The following RLIM variants were observed in gnomAD, a reference collection of about 807,000 sequenced individuals.
The protein encoded by RLIM is E3 ubiquitin-protein ligase RLIM.
Under a neutral mutation model 34.0 loss-of-function variants are expected in RLIM, and 2 were observed. The observed-to-expected ratio is 0.06, with a 90% confidence interval of 0.02 to 0.19. The LOEUF (loss-of-function observed/expected upper bound fraction) is 0.19. Ranked by LOEUF, RLIM falls within the 10% of genes least tolerant of loss-of-function variation. RLIM has a pLI of 1.00. For synonymous variants in RLIM, 169 were observed against 164.0 expected, an observed-to-expected ratio of 1.03 and a Z score of -0.23; for missense variants, 286 against 479.7, an observed-to-expected ratio of 0.60 and a Z score of 3.77.
intron 1 of RLIM, among the ~76,000 whole-genome samples, chrX:74,604,208 C>T (rs1445638423): frequency 9.0e-6 from 1 of 111,134 alleles, no homozygotes; most frequent in African/African-American, 3.3e-5. Context: ...TTTACACTTA[C>T]AGCCTATCAC....
chrX:74,600,832 T>G (rs1602166204), intron 1 of RLIM, among the ~76,000 whole-genome samples: 2 of 89,591 alleles, frequency 2.2e-5, no homozygotes, highest in African/African-American at 4.5e-5. Flanking sequence ...GTCAACATGG[T>G]GAAACCCCAT....
rs1439044582 is a variant in RLIM at position 74,596,036 on chromosome X, G to C, written c.-23-36C>G. ...AAAAGAGACTAATCTTGAAAATAAA[G>C]GTCACTATGTATTCTATACAAGTTT... On this transcript the variant is annotated intron_variant, in intron 1 of 3. Coordinates refer to ENST00000332687, the MANE Select transcript of RLIM (RefSeq NM_016120.4). The C allele has an allele frequency of 7.8e-6, 7 of 895,160 alleles. No individual in the cohort carries two copies. In the African/African-American group the frequency reaches 1.4e-4, roughly 18 times the overall value. The allele number at this position is 895,160 out of a possible 1,213,427, so 73.8% of individuals were successfully genotyped here. A position where few individuals can be genotyped will look rare whatever the true frequency, so the allele number is the denominator to read the frequency against.
rs868417955 is a variant in RLIM, at chrX:74,588,892, C to T, written c.*2548G>A. ...AACACTAGTAAGCATGTAATAATCA[C>T]GGACATCGCAAGATTAAAAATTAAG... On this transcript the variant is annotated 3_prime_UTR_variant, in exon 4 of 4. Transcript: ENST00000332687. 17 of 112,058 alleles carry T rather than the reference C, an allele frequency of 1.5e-4. No individual in the cohort carries two copies. Among genetic ancestry groups the T allele is most frequent in the Non-Finnish European group, 2.3e-4 (12 of 53,249 alleles). 9.2% of individuals were successfully genotyped at this position (112,058 alleles called of 1,213,427 possible).
intron 1 of RLIM, among the ~76,000 whole-genome samples, chrX:74,609,979 C>G (rs2079701636): frequency 8.9e-6 from 1 of 112,252 alleles, no homozygotes; most frequent in Non-Finnish European, 1.9e-5. Context: ...ATTAGACTCT[C>G]AAATGTTATA....
intron 1 of RLIM, among the ~76,000 whole-genome samples, chrX:74,605,184 C>T (rs146185482): frequency 0.014 from 1,511 of 111,897 alleles, 27 homozygotes; most frequent in African/African-American, 0.047. Flanking sequence ...TCTCAAATGC[C>T]TTGTAAACTA....
At chrX:74,594,620 A>T (rs2079631441) in intron 2 of RLIM, among the ~76,000 whole-genome samples, 1 of 111,846 alleles carries the variant, frequency 8.9e-6, no homozygotes, top group Non-Finnish European at 1.9e-5. Flanking sequence ...TGCATATAAC[A>T]TCTAACTTTG....
intron 1 of RLIM, chrX:74,612,443 T>C: frequency 9.0e-6 from 1 of 111,167 alleles, no homozygotes; most frequent in Non-Finnish European, 1.9e-5. Context: ...CCCATTCTTA[T>C]CATGAAGAAT....
chrX:74,598,757 C>T (rs1204905700), intron 1 of RLIM, among the ~76,000 whole-genome samples: 7 of 94,384 alleles, frequency 7.4e-5, no homozygotes, highest in Non-Finnish European at 1.4e-4. Context: ...CCTGCCTGTG[C>T]GACACAGTGA....
chrX:74,592,019 G>C lies in RLIM; in HGVS notation c.1296C>G (p.Val432=), dbSNP rs138864921. The C allele has an allele frequency of 1.2e-5, 15 of 1,209,478 alleles. No homozygotes were observed. Among genetic ancestry groups the C allele is most frequent in the Non-Finnish European group, 1.7e-5 (15 of 895,012 alleles). The part of the protein sequence containing the change: ...SDSDSEPTGS[V]SNRNMERAES... ...CTGCCCTTTCCATATTTCGATTTGA[G>C]ACTGAGCCAGTAGGCTCTGAGTCGC... The change falls in exon 4 of 4, where the codon GTC becomes GTG. Residue 432 remains valine (V), a synonymous_variant. Transcript: ENST00000332687.
rs532267409 is a variant in RLIM at position 74,612,471 on chromosome X, A to G, written c.-24+1951T>C. On this transcript the variant is annotated intron_variant, in intron 1 of 3. Coordinates refer to ENST00000332687, the MANE Select transcript of RLIM (RefSeq NM_016120.4). ...TGAAGAATACCCAACACCATCTAAC[A>G]TCTATCAATGAGCCCATCCAATTAC... The G allele has an allele frequency of 3.6e-5, 4 of 111,685 alleles. No homozygotes were observed. The South Asian group carries it at 1.1e-3, about 31-fold the overall frequency. The allele number at this position is 111,685 out of a possible 1,213,427, so 9.2% of individuals were successfully genotyped here.
rs776855421 is a variant in RLIM, at chrX:74,591,914, GGAACTC to G, written c.1395_1400del (p.Ser475_Ser476del). On this transcript the variant is annotated inframe_deletion, in exon 4 of 4. Transcript: ENST00000332687. Reference sequence around the variant, plus strand: ...TGGAACTGGAACTTGAACTGGAACTGGAACTCGAACTGGAACTGGAACTCGAACTGG... The same window carrying G: ...TGGAACTGGAACTTGAACTGGAACTGGAACTGGAACTGGAACTCGAACTGG... The G allele has an allele frequency of 5.1e-6, 6 of 1,182,815 alleles. No individual in the cohort carries two copies. In the African/African-American group the frequency reaches 5.7e-5, roughly 11 times the overall value.
chrX:74,613,187 T>C (rs773657198), intron 1 of RLIM, among the ~76,000 whole-genome samples: 6 of 111,028 alleles, frequency 5.4e-5, no homozygotes, highest in South Asian at 3.8e-4. Flanking sequence ...GGGTGATAAG[T>C]AGTTACTCTG....
In RLIM at chrX:74,609,114, G is replaced by T. The variant is rs144681792; in HGVS notation, c.-24+5308C>A. Among the ~76,000 whole-genome samples the T allele has an allele frequency of 5.2e-3, 586 of 111,626 alleles. 19 individuals are homozygous for T. In the East Asian group the frequency reaches 0.13, roughly 24 times the overall value. The stretch of plus-strand genomic sequence containing the variant: ...TAACTGACAATGTTGGTGTTCATCA[G>T]TAACTAAGGCACTATTTTAAGGACC... On this transcript the variant is annotated intron_variant, in intron 1 of 3. Transcript: ENST00000332687.
chrX:74,603,252 T>A (rs199986833), intron 1 of RLIM, among the ~76,000 whole-genome samples: 2 of 110,600 alleles, frequency 1.8e-5, no homozygotes, highest in African/African-American at 3.3e-5. Context: ...CCACTTAGGT[T>A]ACCTCTACCC....
intron 2 of RLIM, among the ~76,000 whole-genome samples, 186 bp downstream of exon 2, chrX:74,595,623 T>C (rs1372604732): frequency 1.8e-5 from 2 of 112,250 alleles, no homozygotes; most frequent in Non-Finnish European, 3.8e-5. Flanking sequence ...CTCTCTGATA[T>C]AGTGTAATTC....
chrX:74,603,720 G>A (rs1267324570), intron 1 of RLIM, among the ~76,000 whole-genome samples: 1 of 111,573 alleles, frequency 9.0e-6, no homozygotes, highest in Non-Finnish European at 1.9e-5. Context: ...AACCATATAT[G>A]TAATTTTTCA....
At chrX:74,609,486 T>TAA (rs1569313792) in intron 1 of RLIM, among the ~76,000 whole-genome samples, 493 of 16,468 alleles carry the variant, frequency 0.03, 10 homozygotes, top group African/African-American at 0.14. Flanking sequence ...AGACTCCGTT[T>TAA]CAAAAAAAAA....
intron 1 of RLIM, among the ~76,000 whole-genome samples, chrX:74,597,453 T>C (rs1056879732): frequency 3.6e-5 from 4 of 111,811 alleles, no homozygotes; most frequent in East Asian, 2.8e-4. Flanking sequence ...TTCAAGGAGT[T>C]TGAACTGCAG....
At chrX:74,600,489 C>T (rs1259070950) in intron 1 of RLIM, among the ~76,000 whole-genome samples, 2 of 111,180 alleles carry the variant, frequency 1.8e-5, no homozygotes, top group African/African-American at 3.3e-5. Flanking sequence ...CTTAATAAAG[C>T]GGTTAGTAGT....
Sources: gnomAD v4.1 joint callset for allele counts (sites outside exome capture counted in the v4.1 genomes callset) on GRCh38, gnomAD v4.1.1 for gene constraint, MANE v1.5 for transcripts, NCBI Gene and HGNC (gene_info 2026-07-23, HGNC 2026-07-21) for gene names.